The following TTC28 variants were observed in gnomAD, a reference collection of about 807,000 sequenced individuals.
TTC28 encodes tetratricopeptide repeat domain 28.
A neutral mutation model predicts 198.0 loss-of-function variants in TTC28; 61 were observed. That is an observed-to-expected ratio of 0.31 (90% confidence interval 0.25 to 0.38). The LOEUF is 0.38. TTC28 is among the 10% of genes least tolerant of loss of function. TTC28 has a pLI of 1.00. For synonymous variants in TTC28, 1,171 were observed against 1,297.8 expected (o/e 0.90, Z 2.10); for missense variants, 2,678 against 3,164.0 (o/e 0.85, Z 3.69).
chr22:28,255,681 CAAA>C (rs134192), intron 5 of TTC28, among the ~76,000 whole-genome samples: 2 of 114,720 alleles, frequency 1.7e-5, no homozygotes, highest in Non-Finnish European at 3.7e-5. Flanking sequence ...AACTCCGTCT[CAAA>C]AAAAAAAAAA....
intron 2 of TTC28, among the ~76,000 whole-genome samples, chr22:28,433,467 C>T (rs1255527433): frequency 6.6e-6 from 1 of 152,102 alleles, no homozygotes; most frequent in Non-Finnish European, 1.5e-5. Flanking sequence ...TACTAGTCTG[C>T]AAAATCAAAT....
intron 5 of TTC28, among the ~76,000 whole-genome samples, chr22:28,245,231 A>G (rs559223857): frequency 3.9e-4 from 59 of 152,222 alleles, no homozygotes; most frequent in Non-Finnish European, 7.2e-4. Flanking sequence ...TGAAAATTGA[A>G]TAACTATCTT....
At chr22:28,510,280 G>T (rs140775955) in intron 2 of TTC28, among the ~76,000 whole-genome samples, 1 of 152,074 alleles carries the variant, frequency 6.6e-6, no homozygotes, top group Non-Finnish European at 1.5e-5. Context: ...TAAAATACTG[G>T]CAAACCGAAT....
At chr22:28,326,943 G>A (rs2045539687) in intron 2 of TTC28, among the ~76,000 whole-genome samples, 1 of 147,746 alleles carries the variant, frequency 6.8e-6, no homozygotes, top group African/African-American at 2.5e-5. Flanking sequence ...TTAGTACTTT[G>A]GACATCTCAA....
chr22:28,508,956 C>T (rs1242014351), intron 2 of TTC28, among the ~76,000 whole-genome samples: 1 of 152,046 alleles, frequency 6.6e-6, no homozygotes, highest in Non-Finnish European at 1.5e-5. Context: ...TTTTGGGAGG[C>T]CAGGTGGGCA....
At chr22:28,635,878 C>T (rs1390843717) in intron 1 of TTC28, among the ~76,000 whole-genome samples, 2 of 152,018 alleles carry the variant, frequency 1.3e-5, no homozygotes, top group Non-Finnish European at 1.5e-5. Flanking sequence ...ACTACAGTCA[C>T]CATGCTGTAT....
chr22:28,338,281 T>G (rs1021881444), intron 2 of TTC28, among the ~76,000 whole-genome samples: 6 of 152,234 alleles, frequency 3.9e-5, no homozygotes, highest in Non-Finnish European at 7.3e-5. Flanking sequence ...CATTTTTTCC[T>G]TCATTTCAAC....
At chr22:28,194,222 C>G (rs999389869) in intron 5 of TTC28, among the ~76,000 whole-genome samples, 10 of 152,154 alleles carry the variant, frequency 6.6e-5, no homozygotes, top group African/African-American at 1.9e-4. Context: ...TAAAGATGTT[C>G]TTTGAAACCA....
At chr22:28,265,343 C>T (rs1170079842) in intron 5 of TTC28, among the ~76,000 whole-genome samples, 2 of 152,252 alleles carry the variant, frequency 1.3e-5, no homozygotes, top group South Asian at 2.1e-4. Flanking sequence ...TTTATCAGTG[C>T]TCATTAGTTC....
intron 1 of TTC28, among the ~76,000 whole-genome samples, 195 bp from the exon 2 acceptor site, chr22:28,630,025 G>A (rs779129718): frequency 5.9e-5 from 9 of 152,056 alleles, no homozygotes; most frequent in Non-Finnish European, 1.3e-4. Flanking sequence ...TCCCCTGGGG[G>A]TGAGGGAATT....
intron 3 of TTC28, among the ~76,000 whole-genome samples, chr22:28,299,470 A>G (rs1255036443): frequency 6.6e-6 from 1 of 152,140 alleles, no homozygotes; most frequent in African/African-American, 2.4e-5. Flanking sequence ...AACAAAGAAC[A>G]TTTTTACACC....
At chr22:28,073,596 G>A (rs1000188349) in intron 12 of TTC28, among the ~76,000 whole-genome samples, 2 of 152,166 alleles carry the variant, frequency 1.3e-5, no homozygotes, top group Admixed American at 6.5e-5. Context: ...CTTTCTCCAG[G>A]TCTCCGCAGA....
chr22:28,145,512 T>G (rs2147000066), intron 6 of TTC28, among the ~76,000 whole-genome samples: 1 of 152,292 alleles, frequency 6.6e-6, no homozygotes, highest in South Asian at 2.1e-4. Flanking sequence ...GGGTTTCTCC[T>G]GGTCAGCGTT....
At chr22:27,999,477 A>T (rs55868187) in intron 15 of TTC28, 18,900 of 680,398 alleles carry the variant, frequency 0.028, 325 homozygotes, top group African/African-American at 0.053. Flanking sequence ...GCCCTTGGAA[A>T]CCATCAGGAC....
chr22:28,625,306 G>C (rs1174122588), intron 2 of TTC28, among the ~76,000 whole-genome samples: 1 of 152,160 alleles, frequency 6.6e-6, no homozygotes, highest in Non-Finnish European at 1.5e-5. Flanking sequence ...CATGTGCATA[G>C]AAAATCCCAA....
chr22:28,399,209 C>G (rs575810543), intron 2 of TTC28, among the ~76,000 whole-genome samples: 1 of 152,156 alleles, frequency 6.6e-6, no homozygotes, highest in South Asian at 2.1e-4. Context: ...ATACCATGAA[C>G]CCCGCATTAT....
intron 13 of TTC28, among the ~76,000 whole-genome samples, chr22:28,015,599 T>TG (rs1938338214): frequency 6.6e-6 from 1 of 150,534 alleles, no homozygotes; most frequent in Admixed American, 6.6e-5. Context: ...ATTTGTAAAT[T>TG]TTTTTTTGTA....
intron 2 of TTC28, among the ~76,000 whole-genome samples, chr22:28,528,412 G>A (rs571597417): frequency 6.6e-6 from 1 of 152,066 alleles, no homozygotes; most frequent in African/African-American, 2.4e-5. Context: ...CCCTTGAATA[G>A]CTTTTGCAAA....
intron 12 of TTC28, among the ~76,000 whole-genome samples, chr22:28,060,247 A>G (rs1283795659): frequency 2.0e-5 from 3 of 151,964 alleles, no homozygotes; most frequent in Admixed American, 1.3e-4. Flanking sequence ...TCCTTCCCCC[A>G]TCCCCCAACC....
Sources: gnomAD v4.1 joint callset for allele counts (sites outside exome capture counted in the v4.1 genomes callset) on GRCh38, gnomAD v4.1.1 for gene constraint, MANE v1.5 for transcripts, NCBI Gene and HGNC (gene_info 2026-07-23, HGNC 2026-07-21) for gene names.